The following RAB33A variants were observed in gnomAD, a reference collection of about 807,000 sequenced individuals.
RAB33A encodes the protein ras-related protein Rab-33A.
A neutral mutation model predicts 12.0 loss-of-function variants in RAB33A; 6 were observed. That is an observed-to-expected ratio of 0.50 (90% CI 0.27 to 0.99). The LOEUF is 0.99. Among genes scored for constraint, RAB33A ranks in the 50% least tolerant of loss-of-function variants. RAB33A has a pLI of 0.11. For missense variants in RAB33A, 109 were observed against 192.0 expected, an observed-to-expected ratio of 0.57 and a Z score of 2.55; for synonymous variants, 70 against 82.4, an observed-to-expected ratio of 0.85 and a Z score of 0.81.
At chrX:130,174,330 G>A (rs1440067355) in intron 1 of RAB33A, among the ~76,000 whole-genome samples, 5 of 111,851 alleles carry the variant, frequency 4.5e-5, no homozygotes, top group Non-Finnish European at 3.8e-5. Flanking sequence ...GCTCATGGAG[G>A]AGTCCTCTGA....
At chrX:130,138,486 C>A in the RAB33A span, 2 of 610,696 alleles carry the variant, frequency 3.3e-6, no homozygotes, top group South Asian at 4.7e-5. Flanking sequence ...AATAAATAAA[C>A]CTTAATTAAA....
chrX:130,148,083 G>A, the RAB33A span, among the ~76,000 whole-genome samples: 37 of 112,530 alleles, frequency 3.3e-4, no homozygotes, highest in African/African-American at 1.2e-3. Context: ...GTGAAAAATA[G>A]GAGAATGATT....
chrX:130,168,411 C>T (rs1389833887), upstream of RAB33A, among the ~76,000 whole-genome samples: 1 of 109,954 alleles, frequency 9.1e-6, no homozygotes, highest in Non-Finnish European at 1.9e-5. Flanking sequence ...GACGGGGTTC[C>T]ACAATGTTGT....
the RAB33A span, chrX:130,129,461 T>C: frequency 8.7e-6 from 6 of 691,210 alleles, no homozygotes; most frequent in African/African-American, 1.3e-4. Flanking sequence ...TTCACACTCA[T>C]ACACAGAGAA....
the RAB33A span, among the ~76,000 whole-genome samples, chrX:130,110,971 AGGGAGGGACCGAC>A: frequency 1.7e-5 from 1 of 58,135 alleles, no homozygotes; most frequent in Non-Finnish European, 3.1e-5. Context: ...GAAGAGCCGG[AGGGAGGGACCGAC>A]GGGAGGGACT....
chrX:130,179,287 G>A (rs1469085072), intron 1 of RAB33A, among the ~76,000 whole-genome samples: 1 of 112,066 alleles, frequency 8.9e-6, no homozygotes, highest in East Asian at 2.8e-4. Flanking sequence ...ACGCAATTAT[G>A]AAGCCAAAGA....
At chrX:130,153,151 A>G in the RAB33A span, among the ~76,000 whole-genome samples, 46,949 of 92,991 alleles carry the variant, frequency 0.5, 11,451 homozygotes, top group African/African-American at 0.8. Flanking sequence ...TGGCTAACAC[A>G]GTGAAACCCC....
intron 1 of RAB33A, among the ~76,000 whole-genome samples, chrX:130,178,016 ACT>A (rs2031680537): frequency 8.9e-6 from 1 of 112,091 alleles, no homozygotes; most frequent in Non-Finnish European, 1.9e-5. Context: ...GGAACACCTA[ACT>A]CTCAAACAAA....
chrX:130,138,848 C>A, the RAB33A span: 1 of 476,896 alleles, frequency 2.1e-6, no homozygotes, highest in Non-Finnish European at 3.7e-6. Context: ...GTTATTAATG[C>A]AAATTTATTT....
At chrX:130,142,440 A>T in the RAB33A span, among the ~76,000 whole-genome samples, 1 of 111,224 alleles carries the variant, frequency 9.0e-6, no homozygotes, top group Non-Finnish European at 1.9e-5. Flanking sequence ...AAGCCATTAG[A>T]TGTGATCTTC....
At chrX:130,165,536 G>C in the RAB33A span, 137 of 1,174,370 alleles carry the variant, frequency 1.2e-4, no homozygotes, top group African/African-American at 1.9e-3. Flanking sequence ...AGGTTGCCTG[G>C]AATGGGTCAG....
chrX:130,156,944 G>A, the RAB33A span, among the ~76,000 whole-genome samples: 5 of 111,378 alleles, frequency 4.5e-5, no homozygotes, highest in African/African-American at 1.6e-4. Flanking sequence ...GACTGAATAG[G>A]TAGATATACA....
chrX:130,144,384 T>G, the RAB33A span, among the ~76,000 whole-genome samples: 1 of 111,921 alleles, frequency 8.9e-6, no homozygotes, highest in Non-Finnish European at 1.9e-5. Flanking sequence ...CGCAAAGCCC[T>G]CCACAATCAG....
the RAB33A span, among the ~76,000 whole-genome samples, chrX:130,132,823 T>G: frequency 9.6e-6 from 1 of 104,151 alleles, no homozygotes; most frequent in Non-Finnish European, 2.0e-5. Context: ...CTCGGCTCAC[T>G]GCAACCTCCA....
At chrX:130,174,811 G>A in intron 1 of RAB33A, among the ~76,000 whole-genome samples, 1 of 110,827 alleles carries the variant, frequency 9.0e-6, no homozygotes, top group Non-Finnish European at 1.9e-5. Context: ...CCCTGCTAGG[G>A]ACAACTGATT....
the RAB33A span, among the ~76,000 whole-genome samples, chrX:130,160,293 G>T: frequency 9.0e-6 from 1 of 111,517 alleles, no homozygotes; most frequent in Non-Finnish European, 1.9e-5. Context: ...ATTACATCGT[G>T]ACTGAAACAT....
chrX:130,164,992 G>T, the RAB33A span, among the ~76,000 whole-genome samples: 1 of 108,986 alleles, frequency 9.2e-6, no homozygotes, highest in African/African-American at 3.4e-5. Context: ...AGAAGTACAC[G>T]GCTCAGGCAT....
the RAB33A span, among the ~76,000 whole-genome samples, chrX:130,142,762 C>T: frequency 2.7e-5 from 3 of 111,447 alleles, no homozygotes; most frequent in Non-Finnish European, 3.8e-5. Context: ...TCTCGTGCTT[C>T]AGCCTCCTGA....
chrX:130,169,285 C>G (rs2031580550), upstream of RAB33A, among the ~76,000 whole-genome samples: 1 of 110,042 alleles, frequency 9.1e-6, no homozygotes, highest in African/African-American at 3.3e-5. Flanking sequence ...AACAGCCTTG[C>G]ATTGATTTTT....
Sources: gnomAD v4.1 joint callset for allele counts (sites outside exome capture counted in the v4.1 genomes callset) on GRCh38, gnomAD v4.1.1 for gene constraint, MANE v1.5 for transcripts, NCBI Gene and HGNC (gene_info 2026-07-23, HGNC 2026-07-21) for gene names.